DDX23: variants seen among roughly 807,000 people sequenced by gnomAD.
The protein encoded by DDX23 is DEAD-box helicase 23, also known as probable ATP-dependent RNA helicase DDX23.
A neutral mutation model predicts 102.7 loss-of-function variants in DDX23; 33 were observed. That is an observed-to-expected ratio of 0.32 (90% CI 0.24 to 0.43). The LOEUF (loss-of-function observed/expected upper bound fraction) is 0.43. Among genes scored for constraint, DDX23 ranks in the 20% least tolerant of loss-of-function variants. The pLI, the probability that DDX23 is intolerant of heterozygous loss-of-function variation, is 1.00. For synonymous variants in DDX23, 352 were observed against 376.0 expected, an observed-to-expected ratio of 0.94 and a Z score of 0.74; for missense variants, 549 against 1,086.6, an observed-to-expected ratio of 0.51 and a Z score of 6.96.
chr12:48,851,640 TTAAGTA>T (rs1028364854), intron 1 of DDX23, among the ~76,000 whole-genome samples: 1 of 152,200 alleles, frequency 6.6e-6, no homozygotes, highest in African/African-American at 2.4e-5. Flanking sequence ...GCTTGAGCTT[TTAAGTA>T]TAAGTAGAAT....
At chr12:48,834,523 C>T (rs1938437019) in intron 11 of DDX23, 26 bp from the exon 12 acceptor site, 1 of 1,602,158 alleles carries the variant, frequency 6.2e-7, no homozygotes, top group Non-Finnish European at 8.5e-7. Flanking sequence ...TGCCCCACAG[C>T]TTCGTGAGCT....
At position 48,836,428 on chromosome 12, in the gene DDX23, C is replaced by A. The variant is rs113080447; in HGVS notation, c.1236+141G>T. 2 of 1,238,428 alleles carry A rather than the reference C, an allele frequency of 1.6e-6. No homozygotes were observed. The highest frequency in any genetic ancestry group is 2.3e-6 in the Non-Finnish European group (2 of 876,848). 76.7% of individuals were successfully genotyped at this position (1,238,428 alleles called of 1,614,324 possible). A position where few individuals can be genotyped will look rare whatever the true frequency, so the allele number is the denominator to read the frequency against. On this transcript the variant is annotated intron_variant, in intron 10 of 16. Coordinates refer to ENST00000308025, the MANE Select transcript of DDX23 (RefSeq NM_004818.3). The surrounding 1 kb of genome is among the most constrained non-coding windows in gnomAD (Gnocchi z 6.1). Reference sequence around the variant, plus strand: ...GAAACCTAATCACTAAAAGCCAACACTTCTACCAGAAAGTGACAGAAAAGG... The same window carrying A: ...GAAACCTAATCACTAAAAGCCAACAATTCTACCAGAAAGTGACAGAAAAGG...
chr12:48,836,483 T>C lies in DDX23; in HGVS notation c.1236+86A>G. On this transcript the variant is annotated intron_variant, in intron 10 of 16. Coordinates refer to ENST00000308025, the MANE Select transcript of DDX23 (RefSeq NM_004818.3). This position sits in a 1 kb window ranked among gnomAD's most constrained non-coding sequence, Gnocchi z 6.1. Reference sequence around the variant, plus strand: ...ATTGGTGCCCACTAGCAGCGATGGCTCCAAATAGTCAAGGAACAAAGTTCT... The same window carrying C: ...ATTGGTGCCCACTAGCAGCGATGGCCCCAAATAGTCAAGGAACAAAGTTCT... 2 of 1,409,230 alleles carry C rather than the reference T, an allele frequency of 1.4e-6. No homozygotes were observed. The highest frequency in any genetic ancestry group is 2.0e-6 in the Non-Finnish European group (2 of 1,011,652). The allele number at this position is 1,409,230 out of a possible 1,614,324, so 87.3% of individuals were successfully genotyped here.
chr12:48,841,585 C>T (rs550006530), intron 3 of DDX23, among the ~76,000 whole-genome samples: 17 of 152,346 alleles, frequency 1.1e-4, no homozygotes, highest in South Asian at 8.3e-4. Flanking sequence ...CTCAGCCTGC[C>T]GAGTGCCTGC....
In DDX23 at chr12:48,832,680, G is replaced by A. The variant is rs190831437; in HGVS notation, c.1804-107C>T. On this transcript the variant is annotated intron_variant, in intron 13 of 16. Transcript: ENST00000308025. The surrounding 1 kb of genome is among the most constrained non-coding windows in gnomAD (Gnocchi z 4.4). ...ACTAAAGAATCTAAAATGGGCCACA[G>A]TATAGGCTTTGATAGCCACCACCTT... 169 of 1,392,802 alleles carry A rather than the reference G, an allele frequency of 1.2e-4. No homozygotes were observed. The African/African-American group carries it at 1.8e-3, about 15-fold the overall frequency. The allele number at this position is 1,392,802 out of a possible 1,614,324, so 86.3% of individuals were successfully genotyped here.
chr12:48,831,445 A>G (rs1938385001), intron 15 of DDX23, 129 bp from the exon 16 acceptor site: 2 of 872,660 alleles, frequency 2.3e-6, no homozygotes, highest in Non-Finnish European at 3.7e-6. Context: ...GAAAGGAAAC[A>G]AGAGAATGAT....
rs1327803617 is a variant in DDX23, at chr12:48,836,370, A to AAGT, written c.1237-107_1237-105dup. The stretch of plus-strand genomic sequence containing the variant: ...TCTGCTAGCACAATGGAAGGATGCC[A>AAGT]AGTACAGTTCACAGAAATAGGGACC... On this transcript the variant is annotated intron_variant, in intron 10 of 16. Transcript: ENST00000308025. The surrounding 1 kb of genome is among the most constrained non-coding windows in gnomAD (Gnocchi z 6.1). 6 of 1,417,996 alleles carry AAGT rather than the reference A, an allele frequency of 4.2e-6. No homozygotes were observed. Among genetic ancestry groups the AAGT allele is most frequent in the Middle Eastern group, 1.9e-4 (1 of 5,378 alleles). 87.8% of individuals were successfully genotyped at this position (1,417,996 alleles called of 1,614,324 possible).
intron 13 of DDX23, 140 bp downstream of exon 13, chr12:48,833,137 C>T: frequency 1.5e-6 from 2 of 1,294,922 alleles, no homozygotes. Flanking sequence ...GTGTGCACCA[C>T]CAATGCCCAG....
chr12:48,841,292 AG>A (rs1427549779), intron 3 of DDX23, among the ~76,000 whole-genome samples: 1 of 152,224 alleles, frequency 6.6e-6, no homozygotes, highest in African/African-American at 2.4e-5. Flanking sequence ...AGGCTGAGGC[AG>A]GAAAATTGCC....
chr12:48,842,916 G>A (rs576181159), intron 3 of DDX23, among the ~76,000 whole-genome samples: 10 of 150,682 alleles, frequency 6.6e-5, no homozygotes, highest in Non-Finnish European at 1.0e-4. Context: ...TGTAGAAAGA[G>A]GTAGACATGG....
intron 1 of DDX23, among the ~76,000 whole-genome samples, chr12:48,846,482 G>C (rs183816281): frequency 1.3e-3 from 193 of 152,284 alleles, no homozygotes; most frequent in African/African-American, 4.5e-3. Context: ...ATTTTCTTGA[G>C]CTCATAAAGA....
At chr12:48,844,982 G>A (rs914276640) in intron 2 of DDX23, among the ~76,000 whole-genome samples, 28 of 151,376 alleles carry the variant, frequency 1.8e-4, no homozygotes, top group East Asian at 4.0e-4. Context: ...GAGAAACCCC[G>A]TCTCTACTAA....
At position 48,839,909 on chromosome 12, in the gene DDX23, C is replaced by T; in HGVS notation, c.415G>A (p.Ala139Thr). Residue 139 changes from alanine to threonine, a missense_variant and splice_region_variant, in exon 5 of 17, where the codon GCC (alanine) becomes ACC (threonine). By Grantham distance (58) the Ala-to-Thr change is moderately conservative (BLOSUM62 0). This residue lies in a region of DDX23 where 241 missense variants were observed against 267.0 expected (regional missense o/e 0.90). Coordinates refer to ENST00000308025, the MANE Select transcript of DDX23 (RefSeq NM_004818.3). ...EDEHGDKKPK[A>T]QPLSLEELLA... Reference sequence around the variant, plus strand: ...AGCTCCTCCAGGGATAATGGCTGGGCCTGAAGATAAAACAGAACTTTAGTC... The same window carrying T: ...AGCTCCTCCAGGGATAATGGCTGGGTCTGAAGATAAAACAGAACTTTAGTC... 2 of 1,614,066 alleles carry T rather than the reference C, an allele frequency of 1.2e-6. No individual in the cohort carries two copies. The highest frequency in any genetic ancestry group is 1.7e-5 in the Admixed American group (1 of 59,998).
rs373617316 is a variant in DDX23, at chr12:48,832,578, G to A, written c.1804-5C>T. 21 of 1,613,418 alleles carry A rather than the reference G, an allele frequency of 1.3e-5. No individual in the cohort carries two copies. Among genetic ancestry groups the A allele is most frequent in the Middle Eastern group, 1.6e-4 (1 of 6,072 alleles). On this transcript the variant is annotated splice_region_variant and splice_polypyrimidine_tract_variant and intron_variant, in intron 13 of 16. Coordinates refer to ENST00000308025, the MANE Select transcript of DDX23 (RefSeq NM_004818.3). This position sits in a 1 kb window ranked among gnomAD's most constrained non-coding sequence, Gnocchi z 4.4. ...GGTGGCCGTGAACATGACTGTCTAC[G>A]AAAACAGGAGGCTCAGCCCTGCACC...
chr12:48,842,548 G>T (rs1490465502), intron 3 of DDX23, among the ~76,000 whole-genome samples: 1 of 148,118 alleles, frequency 6.8e-6, no homozygotes, highest in African/African-American at 2.5e-5. Flanking sequence ...GAGGGAGGTG[G>T]GGGGGTCAGC....
chr12:48,833,696 G>A (rs1938423817), intron 12 of DDX23, 177 bp from the exon 13 acceptor site: 4 of 753,042 alleles, frequency 5.3e-6, no homozygotes, highest in Non-Finnish European at 8.3e-6. Context: ...TTGTTGCCTG[G>A]ATTTTCTCAG....
Position 48,839,845 on chromosome 12 carries a change from T to C in DDX23, c.479A>G (p.Lys160Arg). The C allele has an allele frequency of 6.2e-7, 1 of 1,614,198 alleles. No individual in the cohort carries two copies. The highest frequency in any genetic ancestry group is 8.5e-7 in the Non-Finnish European group (1 of 1,180,018). The change falls in exon 5 of 17, where the codon AAG (lysine) becomes AGG (arginine). Residue 160 changes from lysine to arginine, a missense_variant and splice_region_variant. Physicochemically the swap from Lys to Arg is conservative, Grantham distance 26. Coordinates refer to ENST00000308025, the MANE Select transcript of DDX23 (RefSeq NM_004818.3). ...GAATGAAGACCCTCAAGTACTTACC[T>C]TAGCCTCAGCTTCTTCCTCAGCCTT... ...KKKAEEEAEAKPKFLSKAERE... is the reference protein window; with the variant it reads ...KKKAEEEAEARPKFLSKAERE...
intron 11 of DDX23, 172 bp from the exon 12 acceptor site, chr12:48,834,669 C>T (rs1053198692): frequency 6.6e-6 from 4 of 601,926 alleles, no homozygotes; most frequent in Non-Finnish European, 8.3e-6. Context: ...CATGGTGGCT[C>T]ATGTCTGTAA....
chr12:48,837,744 A>G (rs1938484926), intron 6 of DDX23, 87 bp from the exon 7 acceptor site: 1 of 1,566,222 alleles, frequency 6.4e-7, no homozygotes, highest in Non-Finnish European at 8.6e-7. Context: ...AGGAACCCCA[A>G]ATGAAGAAAA....
Sources: allele counts gnomAD v4.1 joint callset (sites outside exome capture counted in the v4.1 genomes callset), GRCh38; gene constraint gnomAD v4.1.1; regional missense constraint gnomAD v4.1.1; non-coding constraint Gnocchi (gnomAD v3.1); transcripts MANE v1.5; gene names NCBI Gene and HGNC (gene_info 2026-07-23, HGNC 2026-07-21).